Variants in CDH4 observed in about 807,000 individuals in gnomAD.
CDH4 encodes cadherin 4.
CDH4 carries 33 observed loss-of-function variants against 86.0 expected under a neutral mutation model. That is an observed-to-expected ratio of 0.38 (90% CI 0.29 to 0.51). The LOEUF (loss-of-function observed/expected upper bound fraction) is 0.51. Ranked by LOEUF, CDH4 falls within the 20% of genes least tolerant of loss-of-function variation. CDH4 has a pLI of 0.86. For synonymous variants in CDH4, 555 were observed against 549.4 expected (o/e 1.01, Z -0.14); for missense variants, 1,114 against 1,307.4 (o/e 0.85, Z 2.28).
intron 2 of CDH4, among the ~76,000 whole-genome samples, chr20:61,562,343 C>T (rs1047405175): frequency 1.4e-5 from 2 of 140,564 alleles, no homozygotes; most frequent in African/African-American, 2.7e-5. Flanking sequence ...CCAGGGCTCC[C>T]GGAGAGAGAG....
At chr20:61,344,058 G>A (rs1361123318) in intron 2 of CDH4, among the ~76,000 whole-genome samples, 1 of 152,182 alleles carries the variant, frequency 6.6e-6, no homozygotes, top group East Asian at 1.9e-4. Flanking sequence ...TAGGAGCGTG[G>A]TGAAGCTCAG....
Position 61,937,245 on chromosome 20 carries a change from G to GAAAAAA in CDH4, c.*305_*306insAAAAAA, listed in dbSNP as rs1201885340. On this transcript the variant is annotated 3_prime_UTR_variant, in exon 16 of 16. Transcript: ENST00000614565. ...AAAAAAAAAAAAAAAAAAGAAGAAA[G>GAAAAAA]AAAGAAAAAAAAAAAAAAAAGAAAG... 1 of 44,136 alleles carries GAAAAAA rather than the reference G, an allele frequency of 2.3e-5. No homozygotes were observed. The highest frequency in any genetic ancestry group is 8.3e-5 in the African/African-American group (1 of 12,026). 2.7% of individuals were successfully genotyped at this position (44,136 alleles called of 1,614,324 possible).
At chr20:61,533,003 C>T (rs1405034038) in intron 2 of CDH4, among the ~76,000 whole-genome samples, 2 of 152,126 alleles carry the variant, frequency 1.3e-5, no homozygotes, top group African/African-American at 2.4e-5. Flanking sequence ...GGTTCCTTGG[C>T]CTGCTTTCCA....
intron 15 of CDH4, among the ~76,000 whole-genome samples, chr20:61,936,211 G>C (rs2055180762): frequency 2.0e-5 from 3 of 150,724 alleles, no homozygotes; most frequent in Non-Finnish European, 4.4e-5. Context: ...TGCCCCCTTA[G>C]GGAGGAGCTG....
intron 4 of CDH4, among the ~76,000 whole-genome samples, chr20:61,804,437 C>T (rs1240337861): frequency 6.6e-6 from 1 of 152,240 alleles, no homozygotes; most frequent in Non-Finnish European, 1.5e-5. Flanking sequence ...CTCGGCCTCA[C>T]CCACTGCTGG....
rs1276524156 is a variant in CDH4 at position 61,518,480 on chromosome 20, C to T, written c.170-225083C>T. On this transcript the variant is annotated intron_variant, in intron 2 of 15. Transcript: ENST00000614565. The surrounding 1 kb of genome is among the most constrained non-coding windows in gnomAD (Gnocchi z 6.3). ...ATCCACCCATCGTCCATCCATCCATCCTTCCATCATTGATTCATCATCCAT... is the reference window on the plus strand; with the variant it reads ...ATCCACCCATCGTCCATCCATCCATTCTTCCATCATTGATTCATCATCCAT... Among the ~76,000 whole-genome samples the T allele has an allele frequency of 1.3e-5, 2 of 152,034 alleles. No individual in the cohort carries two copies. The highest frequency in any genetic ancestry group is 2.9e-5 in the Non-Finnish European group (2 of 67,990).
At chr20:61,446,910 A>G (rs1878082040) in intron 2 of CDH4, among the ~76,000 whole-genome samples, 1 of 152,178 alleles carries the variant, frequency 6.6e-6, no homozygotes, top group African/African-American at 2.4e-5. Flanking sequence ...TTATTAGTGA[A>G]GCTGAATTTT....
chr20:61,462,248 T>C lies in CDH4; in HGVS notation c.169+207311T>C, dbSNP rs117953620. On this transcript the variant is annotated intron_variant, in intron 2 of 15. Transcript: ENST00000614565. ...CTGCGGAAGTTCTGCCTTTATTTCATTGGAGTTCTCTTGAAGATGAAGGAT... is the reference window on the plus strand; with the variant it reads ...CTGCGGAAGTTCTGCCTTTATTTCACTGGAGTTCTCTTGAAGATGAAGGAT... 9.9e-3 allele frequency among the ~76,000 whole-genome samples: 1,505 copies of C among 152,298 alleles called. 22 individuals carry two copies. Among genetic ancestry groups the C allele is most frequent in the Middle Eastern group, 0.051 (15 of 294 alleles).
chr20:61,335,207 G>T (rs1278062950), intron 2 of CDH4, among the ~76,000 whole-genome samples: 1 of 152,210 alleles, frequency 6.6e-6, no homozygotes, highest in Non-Finnish European at 1.5e-5. Context: ...GGATGAATGT[G>T]CAGGGGCCAA....
At chr20:61,591,226 A>G (rs77954851) in intron 2 of CDH4, among the ~76,000 whole-genome samples, 2,387 of 152,352 alleles carry the variant, frequency 0.016, 71 homozygotes, top group African/African-American at 0.045. Flanking sequence ...AAACCTGTTG[A>G]TAATTACCAT....
rs1363536857 is a variant in CDH4, at chr20:61,480,542, CA to C, written c.169+225606del. Among the ~76,000 whole-genome samples, 1 of 152,238 alleles carries C rather than the reference CA, an allele frequency of 6.6e-6. No individual in the cohort carries two copies. The highest frequency in any genetic ancestry group is 1.5e-5 in the Non-Finnish European group (1 of 68,032). ...TGCAGGAGCCAGGCCCCTCCCTTCCCAGTGGCAGCGAATCCCCGTCCTGACC... is the reference window on the plus strand; with the variant it reads ...TGCAGGAGCCAGGCCCCTCCCTTCCCGTGGCAGCGAATCCCCGTCCTGACC... On this transcript the variant is annotated intron_variant, in intron 2 of 15. Coordinates refer to ENST00000614565, the MANE Select transcript of CDH4 (RefSeq NM_001794.5). This position sits in a 1 kb window ranked among gnomAD's most constrained non-coding sequence, Gnocchi z 5.2.
intron 10 of CDH4, 40 bp from the exon 11 acceptor site, chr20:61,924,294 C>A: frequency 1.3e-6 from 2 of 1,569,224 alleles, no homozygotes; most frequent in Non-Finnish European, 1.7e-6. Flanking sequence ...GCCCCGCCCA[C>A]CCCCAGCCTT....
chr20:61,648,131 A>T (rs1005960306), intron 2 of CDH4, among the ~76,000 whole-genome samples: 1 of 152,250 alleles, frequency 6.6e-6, no homozygotes, highest in Admixed American at 6.5e-5. Context: ...TGCAGAAGGC[A>T]CCGGCCACAC....
At chr20:61,328,911 A>G (rs918807164) in intron 2 of CDH4, among the ~76,000 whole-genome samples, 2 of 152,238 alleles carry the variant, frequency 1.3e-5, no homozygotes, top group Non-Finnish European at 1.5e-5. Context: ...TTACAGCCCA[A>G]TAAACCCATT....
intron 2 of CDH4, among the ~76,000 whole-genome samples, chr20:61,445,256 A>C (rs902077009): frequency 4.6e-5 from 7 of 152,216 alleles, no homozygotes; most frequent in Non-Finnish European, 7.4e-5. Flanking sequence ...AATATCCAGG[A>C]ACCAAGAGGC....
chr20:61,505,912 T>A (rs1380003062), intron 2 of CDH4, among the ~76,000 whole-genome samples: 1 of 143,120 alleles, frequency 7.0e-6, no homozygotes, highest in East Asian at 1.9e-4. Context: ...AAAATCTCTA[T>A]TGATGTGTTG....
At chr20:61,921,028 G>C (rs1423886064) in intron 9 of CDH4, among the ~76,000 whole-genome samples, 1 of 147,142 alleles carries the variant, frequency 6.8e-6, no homozygotes, top group Non-Finnish European at 1.5e-5. Context: ...CACAGTAATT[G>C]CATGGAAGCG....
At chr20:61,755,672 C>T (rs1477940022) in intron 3 of CDH4, among the ~76,000 whole-genome samples, 1 of 151,758 alleles carries the variant, frequency 6.6e-6, no homozygotes, top group Non-Finnish European at 1.5e-5. Flanking sequence ...ATGCCCCACA[C>T]ACCATATACA....
At position 61,939,328 on chromosome 20, in the gene CDH4, G is replaced by C. The variant is rs1002476673; in HGVS notation, c.*2385G>C. The C allele has an allele frequency of 6.6e-6, 1 of 152,344 alleles. No homozygotes were observed. Among genetic ancestry groups the C allele is most frequent in the African/African-American group, 2.4e-5 (1 of 41,456 alleles). The allele number at this position is 152,344 out of a possible 1,614,324, so 9.4% of individuals were successfully genotyped here. On this transcript the variant is annotated 3_prime_UTR_variant, in exon 16 of 16. Coordinates refer to ENST00000614565, the MANE Select transcript of CDH4 (RefSeq NM_001794.5). ...GCAGCCGCCGCTACCCAGGAGGGCT[G>C]GGCGACATTGGCCGCCTCCCACTAG...
Sources: allele counts gnomAD v4.1 joint callset (sites outside exome capture counted in the v4.1 genomes callset), GRCh38; gene constraint gnomAD v4.1.1; non-coding constraint Gnocchi (gnomAD v3.1); transcripts MANE v1.5; gene names NCBI Gene and HGNC (gene_info 2026-07-23, HGNC 2026-07-21).